Variants in ACSM1 observed in about 807,000 individuals in gnomAD.
ACSM1 encodes the protein acyl-CoA synthetase medium chain family member 1.
Under a neutral mutation model 75.8 loss-of-function variants are expected in ACSM1, and 79 were observed. The ratio of observed to expected loss-of-function variants is 1.04; its 90% CI spans 0.87 to 1.26. ACSM1 has a LOEUF of 1.26. Among genes scored for constraint, ACSM1 ranks in the 50% most tolerant of loss-of-function variants. ACSM1 has a pLI of 0.00. For synonymous variants in ACSM1, 279 were observed against 265.8 expected (o/e 1.05, Z -0.48); for missense variants, 676 against 720.1 (o/e 0.94, Z 0.70).
At chr16:20,637,865 A>G (rs140994196) in intron 8 of ACSM1, among the ~76,000 whole-genome samples, 1 of 152,310 alleles carries the variant, frequency 6.6e-6, no homozygotes, top group Non-Finnish European at 1.5e-5. Flanking sequence ...AGTGATAGGG[A>G]TTCTGCCACA....
chr16:20,656,546 G>A (rs231927), intron 7 of ACSM1, among the ~76,000 whole-genome samples: 12,306 of 152,190 alleles, frequency 0.081, 633 homozygotes, highest in East Asian at 0.21. Flanking sequence ...ACACAAAGAT[G>A]TCAATTCTCA....
chr16:20,629,990 CAAAA>C (rs558208317), intron 10 of ACSM1, among the ~76,000 whole-genome samples: 1 of 81,012 alleles, frequency 1.2e-5, no homozygotes, highest in Non-Finnish European at 2.8e-5. Context: ...GACTCCAACT[CAAAA>C]AAAAAAAAAA....
chr16:20,627,466 A>G (rs2017013825), intron 10 of ACSM1, 150 bp from the exon 11 acceptor site: 2 of 819,180 alleles, frequency 2.4e-6, no homozygotes, highest in Non-Finnish European at 1.8e-6. Context: ...TTTTCATTAC[A>G]TGTAGCGCAT....
intron 10 of ACSM1, among the ~76,000 whole-genome samples, chr16:20,631,603 A>G (rs1359366622): frequency 6.6e-6 from 1 of 152,248 alleles, no homozygotes; most frequent in Admixed American, 6.5e-5. Flanking sequence ...TTGCAAAGAT[A>G]TGGAACCAAC....
rs1453745399 is a variant in ACSM1 at position 20,669,835 on chromosome 16, T to C, written c.904A>G (p.Ile302Val). 4.3e-6 allele frequency: 7 copies of C among 1,613,814 alleles called. No homozygotes were observed. The African/African-American group carries it at 5.3e-5, about 12-fold the overall frequency. Residue 302 changes from isoleucine to valine, a missense_variant, in exon 6 of 14, where the codon ATC becomes GTC. Transcript: ENST00000520010. ...AAGGTGAGTCTTCTTACCTGTATGATGACCTTGGTGTCAAACTGTGGCAGA... is the reference window on the plus strand; with the variant it reads ...AAGGTGAGTCTTCTTACCTGTATGACGACCTTGGTGTCAAACTGTGGCAGA... ...HHLPQFDTKV[I>V]IQTLLKYPIN...
At chr16:20,685,882 G>A (rs544976353) in intron 2 of ACSM1, among the ~76,000 whole-genome samples, 1 of 151,040 alleles carries the variant, frequency 6.6e-6, no homozygotes, top group African/African-American at 2.4e-5. Flanking sequence ...GTTTAGGGGT[G>A]GAGCGGGACT....
chr16:20,639,262 T>C (rs1397988888), intron 8 of ACSM1, among the ~76,000 whole-genome samples: 2 of 152,198 alleles, frequency 1.3e-5, no homozygotes, highest in Non-Finnish European at 2.9e-5. Context: ...ACCTGGCAGC[T>C]CAGTGATACT....
intron 7 of ACSM1, among the ~76,000 whole-genome samples, chr16:20,647,143 G>A (rs1273550518): frequency 1.3e-5 from 2 of 152,238 alleles, no homozygotes; most frequent in East Asian, 1.9e-4. Flanking sequence ...TTCTGTTTCA[G>A]TAGATTTACT....
At chr16:20,656,671 C>T (rs1367211124) in intron 7 of ACSM1, among the ~76,000 whole-genome samples, 1 of 152,076 alleles carries the variant, frequency 6.6e-6, no homozygotes, top group Non-Finnish European at 1.5e-5. Context: ...TTGTTTACTT[C>T]AAGGAAGCCA....
At chr16:20,635,667 T>C (rs1567252062) in intron 10 of ACSM1, among the ~76,000 whole-genome samples, 1 of 149,374 alleles carries the variant, frequency 6.7e-6, no homozygotes, top group Non-Finnish European at 1.5e-5. Context: ...TGAGATGGTG[T>C]CTAGCTCTGT....
At chr16:20,682,147 G>A (rs545709314) in intron 4 of ACSM1, 109 bp downstream of exon 4, 14 of 1,032,640 alleles carry the variant, frequency 1.4e-5, no homozygotes, top group Non-Finnish European at 1.7e-5. Context: ...CTGGGCTGGT[G>A]CACCTAAATA....
intron 1 of ACSM1, among the ~76,000 whole-genome samples, chr16:20,694,622 A>C (rs902347042): frequency 6.6e-6 from 1 of 152,192 alleles, no homozygotes; most frequent in Non-Finnish European, 1.5e-5. Flanking sequence ...AAGACAGTCC[A>C]AACAACCCCT....
At chr16:20,625,567 A>C in intron 11 of ACSM1, 45 bp from the exon 12 acceptor site, 1 of 1,558,382 alleles carries the variant, frequency 6.4e-7, no homozygotes, top group Non-Finnish European at 8.8e-7. Flanking sequence ...GCTGGGGTGA[A>C]CCAAGTCCCC....
rs146842441 is a variant in ACSM1 at position 20,661,821 on chromosome 16, C to T, written c.965G>A (p.Arg322Gln). The change falls in exon 7 of 14, where the codon CGA (arginine) becomes CAA (glutamine). Residue 322 changes from arginine to glutamine, a missense_variant. Transcript: ENST00000520010. ...NHFWGVSSIY[R>Q]MILQQDFTSI... is the part of the protein sequence containing the mutation. ...GGTGAAATCCTGCTGCAGAATCATTCGATATATAGATGATACCCCCCAAAA... is the reference window on the plus strand; with the variant it reads ...GGTGAAATCCTGCTGCAGAATCATTTGATATATAGATGATACCCCCCAAAA... 27 of 1,609,956 alleles carry T rather than the reference C, an allele frequency of 1.7e-5. No individual in the cohort carries two copies. Among genetic ancestry groups the T allele is most frequent in the African/African-American group, 9.3e-5 (7 of 74,876 alleles).
chr16:20,627,943 A>G (rs935784340), intron 10 of ACSM1, among the ~76,000 whole-genome samples: 2 of 136,264 alleles, frequency 1.5e-5, no homozygotes, highest in African/African-American at 5.7e-5. Context: ...GTGACACTAC[A>G]CTAGAATGAA....
intron 6 of ACSM1, among the ~76,000 whole-genome samples, chr16:20,663,712 A>G (rs2019411586): frequency 6.6e-6 from 1 of 152,154 alleles, no homozygotes; most frequent in Non-Finnish European, 1.5e-5. Flanking sequence ...CAGAGGAGAC[A>G]CTGAAGCTGC....
chr16:20,629,990 CAAAAAA>C (rs558208317), intron 10 of ACSM1, among the ~76,000 whole-genome samples: 1 of 81,024 alleles, frequency 1.2e-5, no homozygotes. Flanking sequence ...GACTCCAACT[CAAAAAA>C]AAAAAAAAAA....
chr16:20,670,280 T>G (rs2019822622), intron 5 of ACSM1, among the ~76,000 whole-genome samples: 1 of 152,200 alleles, frequency 6.6e-6, no homozygotes, highest in Non-Finnish European at 1.5e-5. Context: ...GCCCCAAACT[T>G]TGGCATCAAC....
chr16:20,636,881 G>T, intron 9 of ACSM1, 41 bp from the exon 10 acceptor site: 1 of 1,478,556 alleles, frequency 6.8e-7, no homozygotes. Context: ...GCAGGAGGCC[G>T]CAGCCCTTCT....
Sources: gnomAD v4.1 joint callset for allele counts (sites outside exome capture counted in the v4.1 genomes callset) on GRCh38, gnomAD v4.1.1 for gene constraint, MANE v1.5 for transcripts, NCBI Gene and HGNC (gene_info 2026-07-23, HGNC 2026-07-21) for gene names.